The following ACSM3 variants were observed in gnomAD, a reference collection of about 807,000 sequenced individuals.
The protein encoded by ACSM3 is acyl-CoA synthetase medium chain family member 3, also known as acyl-coenzyme A synthetase ACSM3, mitochondrial.
ACSM3 carries 61 observed loss-of-function variants against 74.1 expected under a neutral mutation model. The ratio of observed to expected loss-of-function variants is 0.82; its 90% CI spans 0.67 to 1.02. The LOEUF is 1.02. Ranked by LOEUF, ACSM3 falls within the 50% of genes least tolerant of loss-of-function variation. The probability of loss-of-function intolerance (pLI) is 0.00; values close to 1 mark genes in which losing one functional copy is unlikely to be tolerated. For synonymous variants in ACSM3, 213 were observed against 241.5 expected, an observed-to-expected ratio of 0.88 and a Z score of 1.09; for missense variants, 660 against 697.0, an observed-to-expected ratio of 0.95 and a Z score of 0.60.
chr16:20,679,786 C>T (rs764688510), intron 1 of ACSM3: 3 of 152,196 alleles, frequency 2.0e-5, no homozygotes, highest in African/African-American at 4.8e-5. Context: ...AAATAATCAG[C>T]TATATGTATG....
chr16:20,780,449 C>A, intron 4 of ACSM3: 1 of 642,704 alleles, frequency 1.6e-6, no homozygotes, highest in Non-Finnish European at 2.6e-6. Flanking sequence ...TTTAAAAATG[C>A]TTCAATCCTT....
chr16:20,683,107 T>C (rs2079479186), intron 1 of ACSM3, among the ~76,000 whole-genome samples: 1 of 151,822 alleles, frequency 6.6e-6, no homozygotes, highest in African/African-American at 2.4e-5. Flanking sequence ...CTGAATTTCT[T>C]TTTTTCTTTT....
chr16:20,696,986 A>G (rs1356361120), intron 1 of ACSM3, among the ~76,000 whole-genome samples: 1 of 152,200 alleles, frequency 6.6e-6, no homozygotes, highest in Non-Finnish European at 1.5e-5. Flanking sequence ...GTGATAATTT[A>G]CTTGCTGGCA....
chr16:20,736,426 CA>C (rs2079870014), intron 1 of ACSM3: 1 of 136,082 alleles, frequency 7.3e-6, no homozygotes, highest in African/African-American at 2.7e-5. Context: ...CACAAAAGTA[CA>C]AAAACTTCAC....
intron 1 of ACSM3, among the ~76,000 whole-genome samples, chr16:20,691,750 AATGT>A (rs1230677549): frequency 1.1e-5 from 1 of 87,900 alleles, no homozygotes; most frequent in Admixed American, 1.2e-4. Context: ...ATACCTCTCC[AATGT>A]GTGTGTGTGT....
chr16:20,689,852 G>C (rs2079620904), intron 1 of ACSM3, among the ~76,000 whole-genome samples: 1 of 152,088 alleles, frequency 6.6e-6, no homozygotes, highest in Non-Finnish European at 1.5e-5. Flanking sequence ...GGGAGACTAG[G>C]TTAAATAATG....
chr16:20,686,889 T>C (rs957905275), intron 1 of ACSM3, among the ~76,000 whole-genome samples: 9 of 151,696 alleles, frequency 5.9e-5, no homozygotes, highest in African/African-American at 2.2e-4. Context: ...CAAGAAGACA[T>C]CATGTTGTAC....
chr16:20,744,477 T>C (rs2152427179), intron 1 of ACSM3, among the ~76,000 whole-genome samples: 1 of 152,310 alleles, frequency 6.6e-6, no homozygotes, highest in South Asian at 2.1e-4. Flanking sequence ...GTCCACTTAC[T>C]GGGTTCAAGC....
intron 1 of ACSM3, chr16:20,682,131 A>G (rs2079458013): frequency 3.4e-6 from 3 of 891,028 alleles, no homozygotes; most frequent in South Asian, 1.7e-5. Context: ...TTGGATGTTA[A>G]TCTGACTGGG....
intron 1 of ACSM3, among the ~76,000 whole-genome samples, chr16:20,716,763 G>C (rs1466792324): frequency 6.6e-6 from 1 of 152,082 alleles, no homozygotes; most frequent in Non-Finnish European, 1.5e-5. Context: ...GCATACCAGC[G>C]TTGGCCCCCT....
chr16:20,717,743 C>T (rs966052113), intron 1 of ACSM3, among the ~76,000 whole-genome samples: 1 of 151,072 alleles, frequency 6.6e-6, no homozygotes, highest in African/African-American at 2.4e-5. Flanking sequence ...AAATGCATGT[C>T]CTTTTGTTAT....
At chr16:20,697,344 G>A (rs1780643980) in intron 1 of ACSM3, among the ~76,000 whole-genome samples, 1 of 151,946 alleles carries the variant, frequency 6.6e-6, no homozygotes, top group South Asian at 2.1e-4. Flanking sequence ...TGTCTCCCAC[G>A]GCTCACCACA....
chr16:20,797,163 G>A lies in ACSM3; in HGVS notation c.*191G>A. On this transcript the variant is annotated 3_prime_UTR_variant, in exon 14 of 14. Coordinates refer to ENST00000289416, the MANE Select transcript of ACSM3 (RefSeq NM_005622.4). ...ATATTTGGCAAATTCCTCCACATTA[G>A]TGTCAATGTTCCTATCATTTCTTAA... The A allele has an allele frequency of 1.5e-6, 2 of 1,333,622 alleles. No individual in the cohort carries two copies. Among genetic ancestry groups the A allele is most frequent in the South Asian group, 1.9e-5 (1 of 51,700 alleles). The allele number at this position is 1,333,622 out of a possible 1,614,324, so 82.6% of individuals were successfully genotyped here. A position where few individuals can be genotyped will look rare whatever the true frequency, so the allele number is the denominator to read the frequency against.
intron 1 of ACSM3, among the ~76,000 whole-genome samples, chr16:20,704,816 G>A (rs1022017930): frequency 6.6e-6 from 1 of 152,202 alleles, no homozygotes; most frequent in African/African-American, 2.4e-5. Context: ...CTAAAGCCAA[G>A]TTACCATAAA....
At chr16:20,687,051 C>G (rs1289006962) in intron 1 of ACSM3, among the ~76,000 whole-genome samples, 1 of 150,136 alleles carries the variant, frequency 6.7e-6, no homozygotes, top group Non-Finnish European at 1.5e-5. Context: ...CAAGAGGAAG[C>G]CCCCCAACTC....
chr16:20,720,144 T>C (rs2079780353), intron 1 of ACSM3, among the ~76,000 whole-genome samples: 1 of 152,166 alleles, frequency 6.6e-6, no homozygotes, highest in South Asian at 2.1e-4. Context: ...GGAAGACCAT[T>C]TTTCCATGGT....
At position 20,682,451 on chromosome 16, in the gene ACSM3, A is replaced by G. The variant is rs1251267542; in HGVS notation, c.-190+7629A>G. 1.9e-6 allele frequency: 3 copies of G among 1,613,268 alleles called. No homozygotes were observed. The African/African-American group carries it at 4.0e-5, about 22-fold the overall frequency. ...GGCCTTCAACAGGATGGTCGCAGGA[A>G]TGAAGATGATCCCTGGGGATGAGAA... On this transcript the variant is annotated intron_variant, in intron 1 of 3. Transcript: ENST00000561584.
intron 4 of ACSM3, chr16:20,780,373 C>T: frequency 6.9e-6 from 3 of 435,204 alleles, no homozygotes; most frequent in Non-Finnish European, 1.2e-5. Context: ...AAAATTCTTC[C>T]TTATCCATGA....
chr16:20,708,698 G>T (rs2079734622), intron 1 of ACSM3, among the ~76,000 whole-genome samples: 1 of 152,156 alleles, frequency 6.6e-6, no homozygotes, highest in South Asian at 2.1e-4. Flanking sequence ...TATTCAGCGT[G>T]ATCTATGGAC....
Sources: allele counts gnomAD v4.1 joint callset (sites outside exome capture counted in the v4.1 genomes callset), GRCh38; gene constraint gnomAD v4.1.1; transcripts MANE v1.5; gene names NCBI Gene and HGNC (gene_info 2026-07-23, HGNC 2026-07-21).